PTPRO: variants seen among roughly 807,000 people sequenced by gnomAD.
The protein encoded by PTPRO is protein tyrosine phosphatase receptor type O, also known as receptor-type tyrosine-protein phosphatase O.
Under a neutral mutation model 145.2 loss-of-function variants are expected in PTPRO, and 62 were observed. The ratio of observed to expected loss-of-function variants is 0.43; its 90% CI spans 0.35 to 0.53. PTPRO has a LOEUF of 0.53. Ranked by LOEUF, PTPRO falls within the 20% of genes least tolerant of loss-of-function variation. PTPRO has a pLI of 0.01. For synonymous variants in PTPRO, 565 were observed against 514.7 expected, an observed-to-expected ratio of 1.10 and a Z score of -1.32; for missense variants, 1,345 against 1,482.7, an observed-to-expected ratio of 0.91 and a Z score of 1.53.
intron 1 of PTPRO, among the ~76,000 whole-genome samples, chr12:15,397,042 G>A (rs948706793): frequency 5.9e-5 from 9 of 151,774 alleles, no homozygotes; most frequent in South Asian, 2.1e-4. Context: ...CTTATAATGC[G>A]CCACTAAATT....
intron 16 of PTPRO, among the ~76,000 whole-genome samples, chr12:15,557,819 A>G (rs1347501098): frequency 6.6e-6 from 1 of 152,222 alleles, no homozygotes; most frequent in Non-Finnish European, 1.5e-5. Context: ...GCTTAAATGC[A>G]GGAGCGCCGC....
chr12:15,498,227 A>G (rs1162996368), intron 3 of PTPRO, among the ~76,000 whole-genome samples: 1 of 152,186 alleles, frequency 6.6e-6, no homozygotes, highest in African/African-American at 2.4e-5. Context: ...TCATTTCTTC[A>G]ATGGATTTAG....
chr12:15,553,199 A>G (rs1380759366), intron 15 of PTPRO, among the ~76,000 whole-genome samples: 1 of 152,194 alleles, frequency 6.6e-6, no homozygotes, highest in Non-Finnish European at 1.5e-5. Flanking sequence ...ATATGACAGT[A>G]TATGAAACAG....
chr12:15,489,837 A>C (rs1052504091), intron 2 of PTPRO, among the ~76,000 whole-genome samples: 1 of 152,216 alleles, frequency 6.6e-6, no homozygotes, highest in African/African-American at 2.4e-5. Context: ...GGAAGGCAGC[A>C]CAGAAGAAAC....
chr12:15,418,411 C>T (rs7133464), intron 1 of PTPRO, among the ~76,000 whole-genome samples: 26,008 of 151,576 alleles, frequency 0.17, 3,004 homozygotes, highest in African/African-American at 0.28. Flanking sequence ...TAGCTCAACT[C>T]TCATTGTTTA....
chr12:15,423,499 A>C (rs1037981555), intron 1 of PTPRO, among the ~76,000 whole-genome samples: 24 of 151,302 alleles, frequency 1.6e-4, no homozygotes, highest in African/African-American at 5.8e-4. Context: ...ACCAGTTTGA[A>C]AAAAAAAAGC....
chr12:15,447,037 C>G (rs1940919046), intron 1 of PTPRO, among the ~76,000 whole-genome samples: 1 of 152,108 alleles, frequency 6.6e-6, no homozygotes, highest in African/African-American at 2.4e-5. Context: ...CCAGTGACTT[C>G]TTGGTGTTTT....
chr12:15,549,077 A>C lies in PTPRO; in HGVS notation c.2305-17A>C. ...ATGAAGTTAACCTAAAATTTACCTTATTTTCTGAAACCCCAGGAACCAGTT... is the reference window on the plus strand; with the variant it reads ...ATGAAGTTAACCTAAAATTTACCTTCTTTTCTGAAACCCCAGGAACCAGTT... On this transcript the variant is annotated splice_polypyrimidine_tract_variant and intron_variant, in intron 13 of 26. Transcript: ENST00000281171. The C allele has an allele frequency of 6.2e-7, 1 of 1,612,442 alleles. No individual in the cohort carries two copies.
intron 13 of PTPRO, 124 bp downstream of exon 13, chr12:15,546,832 G>A (rs1943304160): frequency 1.4e-6 from 2 of 1,389,782 alleles, no homozygotes; most frequent in Non-Finnish European, 2.0e-6. Flanking sequence ...GCTCTTTTGT[G>A]TTTCACTGAT....
intron 2 of PTPRO, among the ~76,000 whole-genome samples, chr12:15,491,081 GC>G (rs1481463782): frequency 3.9e-5 from 6 of 152,192 alleles, no homozygotes; most frequent in African/African-American, 1.4e-4. Flanking sequence ...TCGCTGGCCT[GC>G]TTTGATGTAG....
intron 1 of PTPRO, among the ~76,000 whole-genome samples, chr12:15,435,152 A>T (rs1032381579): frequency 2.6e-5 from 4 of 152,186 alleles, no homozygotes; most frequent in Admixed American, 2.6e-4. Flanking sequence ...TGTGGGCAAG[A>T]GGCTGGTATA....
rs116275747 is a variant in PTPRO, at chr12:15,484,489, T to G, written c.349+242T>G. 4.1e-3 allele frequency among the ~76,000 whole-genome samples: 620 copies of G among 152,276 alleles called. 5 individuals are homozygous for G. Among genetic ancestry groups the G allele is most frequent in the African/African-American group, 0.014 (586 of 41,576 alleles). ...AGTAAACCTCAATGATGTAGTATAT[T>G]TTGAGACTGAGTAACAATTTCAAAT... On this transcript the variant is annotated intron_variant, in intron 2 of 26. Coordinates refer to ENST00000281171, the MANE Select transcript of PTPRO (RefSeq NM_030667.3).
At chr12:15,328,706 C>T (rs534103633) in intron 1 of PTPRO, among the ~76,000 whole-genome samples, 7 of 152,276 alleles carry the variant, frequency 4.6e-5, no homozygotes, top group Admixed American at 4.6e-4. Context: ...AACAAATACA[C>T]TGCAATTCTA....
At chr12:15,458,149 T>A (rs1429306467) in intron 1 of PTPRO, among the ~76,000 whole-genome samples, 1 of 152,176 alleles carries the variant, frequency 6.6e-6, no homozygotes, top group Non-Finnish European at 1.5e-5. Context: ...TTGACAGATT[T>A]TTTTTCTTTC....
At chr12:15,331,189 C>G (rs1866598004) in intron 1 of PTPRO, among the ~76,000 whole-genome samples, 1 of 151,934 alleles carries the variant, frequency 6.6e-6, no homozygotes, top group Non-Finnish European at 1.5e-5. Context: ...TCAAGGAAAC[C>G]CAAGATCTAG....
intron 1 of PTPRO, among the ~76,000 whole-genome samples, chr12:15,341,117 TTTTTC>T (rs1165947047): frequency 6.6e-6 from 1 of 152,196 alleles, no homozygotes; most frequent in African/African-American, 2.4e-5. Context: ...GTTTTGTTTG[TTTTTC>T]TTTTCTTTTT....
chr12:15,331,337 T>TC (rs1866602863), intron 1 of PTPRO, among the ~76,000 whole-genome samples: 1 of 152,048 alleles, frequency 6.6e-6, no homozygotes, highest in Non-Finnish European at 1.5e-5. Context: ...TATAAATGCT[T>TC]CCGGGAATTG....
At position 15,520,321 on chromosome 12, in the gene PTPRO, T is replaced by A. The variant is rs990087052; in HGVS notation, c.1891+9T>A. On this transcript the variant is annotated intron_variant, in intron 10 of 26. Coordinates refer to ENST00000281171, the MANE Select transcript of PTPRO (RefSeq NM_030667.3). ...CATCAGCTTCATAACAGGTGAGGCA[T>A]GTGTGGGGAACAGTTCCACAAGGAG... 50 of 1,588,108 alleles carry A rather than the reference T, an allele frequency of 3.1e-5. No homozygotes were observed. The highest frequency in any genetic ancestry group is 4.3e-5 in the Non-Finnish European group (50 of 1,156,692).
chr12:15,572,945 C>T lies in PTPRO; in HGVS notation c.2829+3447C>T, dbSNP rs190039318. ...TGCTCTTCAATGAGTGGGACATTCC[C>T]GCACAATAGAGAATTGTCCTAGGCC... On this transcript the variant is annotated intron_variant, in intron 19 of 26. Transcript: ENST00000281171. 8.6e-4 allele frequency among the ~76,000 whole-genome samples: 131 copies of T among 152,180 alleles called. No individual in the cohort carries two copies. In the East Asian group the frequency reaches 0.023, roughly 27 times the overall value.
Sources: allele counts gnomAD v4.1 joint callset (sites outside exome capture counted in the v4.1 genomes callset), GRCh38; gene constraint gnomAD v4.1.1; transcripts MANE v1.5; gene names NCBI Gene and HGNC (gene_info 2026-07-23, HGNC 2026-07-21).